RAB40B: variants seen among roughly 807,000 people sequenced by gnomAD.
RAB40B encodes the protein RAB40B, member RAS oncogene family.
RAB40B carries 21 observed loss-of-function variants against 24.0 expected under a neutral mutation model. That is an observed-to-expected ratio of 0.88 (90% CI 0.62 to 1.26). RAB40B has a LOEUF of 1.26. RAB40B is among the 50% of genes most tolerant of loss of function. RAB40B has a pLI of 0.00. For synonymous variants in RAB40B, 167 were observed against 169.8 expected, an observed-to-expected ratio of 0.98 and a Z score of 0.13; for missense variants, 348 against 390.5, an observed-to-expected ratio of 0.89 and a Z score of 0.92.
At chr17:82,669,749 A>G (rs1316411636) in intron 1 of RAB40B, among the ~76,000 whole-genome samples, 1 of 152,220 alleles carries the variant, frequency 6.6e-6, no homozygotes, top group Non-Finnish European at 1.5e-5. Flanking sequence ...GCCCTGTGAA[A>G]TTACGCTTTG....
chr17:82,655,164 G>C lies in RAB40B; in HGVS notation c.*2699C>G, dbSNP rs2046078809. On this transcript the variant is annotated 3_prime_UTR_variant, in exon 6 of 6. Transcript: ENST00000571995. ...CTGCCGTAACAATCGCCACAAACCT[G>C]GTGACTTAAATAACAAATATTTATT... 1 of 152,004 alleles carries C rather than the reference G, an allele frequency of 6.6e-6. No homozygotes were observed. The highest frequency in any genetic ancestry group is 2.1e-4 in the South Asian group (1 of 4,808). The allele number at this position is 152,004 out of a possible 1,614,324, so 9.4% of individuals were successfully genotyped here.
intron 2 of RAB40B, chr17:82,662,303 A>G: frequency 2.0e-6 from 2 of 985,480 alleles, no homozygotes; most frequent in Non-Finnish European, 2.4e-6. Flanking sequence ...GGCTTTGCAC[A>G]CAGCGGGAGC....
chr17:82,675,666 G>A lies in RAB40B; in HGVS notation c.143-11110C>T, dbSNP rs1320214351. On this transcript the variant is annotated intron_variant, in intron 1 of 5. Transcript: ENST00000571995. The surrounding 1 kb of genome is among the most constrained non-coding windows in gnomAD (Gnocchi z 4.5). The stretch of plus-strand genomic sequence containing the variant: ...GAGGGCTGCATCCTGGTTCATGGAG[G>A]TGTCTTCTCCCCATGTCCTCCCCTA... Among the ~76,000 whole-genome samples the A allele has an allele frequency of 6.6e-6, 1 of 152,142 alleles. No individual in the cohort carries two copies. The highest frequency in any genetic ancestry group is 1.5e-5 in the Non-Finnish European group (1 of 68,024).
At position 82,692,524 on chromosome 17, in the gene RAB40B, C is replaced by T. The variant is rs1182378259; in HGVS notation, c.142+5931G>A. Among the ~76,000 whole-genome samples the T allele has an allele frequency of 6.6e-6, 1 of 151,976 alleles. No homozygotes were observed. Among genetic ancestry groups the T allele is most frequent in the Non-Finnish European group, 1.5e-5 (1 of 67,970 alleles). Reference sequence around the variant, plus strand: ...GGCACACACACAAGAGACAGGCGGGCCAACGGTGCAGACCCAGACCCACAG... The same window carrying T: ...GGCACACACACAAGAGACAGGCGGGTCAACGGTGCAGACCCAGACCCACAG... On this transcript the variant is annotated intron_variant, in intron 1 of 5. Transcript: ENST00000571995. This position sits in a 1 kb window ranked among gnomAD's most constrained non-coding sequence, Gnocchi z 4.0.
At chr17:82,679,827 C>T (rs796290213) in intron 1 of RAB40B, among the ~76,000 whole-genome samples, 9 of 152,400 alleles carry the variant, frequency 5.9e-5, no homozygotes, top group African/African-American at 1.9e-4. Context: ...CCTGGAAACA[C>T]GAAGGAACAC....
chr17:82,688,178 C>T (rs530809106), intron 1 of RAB40B, among the ~76,000 whole-genome samples: 8 of 152,118 alleles, frequency 5.3e-5, no homozygotes, highest in Non-Finnish European at 7.4e-5. Flanking sequence ...GTCACCATCA[C>T]GCCCAGCTAA....
At chr17:82,696,331 G>A (rs1416846822) in intron 1 of RAB40B, 1 of 152,302 alleles carries the variant, frequency 6.6e-6, no homozygotes, top group Non-Finnish European at 1.5e-5. Flanking sequence ...CCAACCAGAA[G>A]GAAGTTTCAC....
chr17:82,661,085 T>G, intron 2 of RAB40B, 38 bp from the exon 3 acceptor site: 1 of 1,609,164 alleles, frequency 6.2e-7, no homozygotes. Flanking sequence ...AAGAAACCAG[T>G]GCTTCTTCCT....
rs530356882 is a variant in RAB40B, at chr17:82,664,489, G to A, written c.203+7C>T. ...GTGCGGGACGCTCGCACCTCCTCCA[G>A]ACTCACCAGAGCTGCAGCTTCACCC... is the stretch of plus-strand genomic sequence containing the variant. On this transcript the variant is annotated splice_region_variant and intron_variant, in intron 2 of 5. Transcript: ENST00000571995. 6.2e-7 allele frequency: 1 copy of A among 1,612,830 alleles called. No homozygotes were observed. Among genetic ancestry groups the A allele is most frequent in the Non-Finnish European group, 8.5e-7 (1 of 1,179,454 alleles).
intron 1 of RAB40B, among the ~76,000 whole-genome samples, chr17:82,679,739 G>T (rs909734628): frequency 6.0e-5 from 1 of 16,594 alleles, no homozygotes; most frequent in African/African-American, 2.4e-4. Context: ...GCAGGTCACC[G>T]AGCACAGGGC....
intron 1 of RAB40B, among the ~76,000 whole-genome samples, chr17:82,676,490 A>C (rs1286479499): frequency 3.4e-5 from 3 of 87,392 alleles, no homozygotes; most frequent in African/African-American, 1.4e-4. Context: ...TCACCCACAC[A>C]CCAATTCCGT....
intron 1 of RAB40B, among the ~76,000 whole-genome samples, chr17:82,679,543 C>G (rs2046428910): frequency 6.6e-6 from 1 of 152,166 alleles, no homozygotes; most frequent in Admixed American, 6.5e-5. Context: ...TCCCAAAGTG[C>G]TGGGATCACA....
Position 82,675,080 on chromosome 17 carries a change from GAGAAAACATCTGAC to G in RAB40B, c.143-10538_143-10525del, listed in dbSNP as rs2046382732. Among the ~76,000 whole-genome samples the G allele has an allele frequency of 6.6e-6, 1 of 152,168 alleles. No individual in the cohort carries two copies. The highest frequency in any genetic ancestry group is 6.5e-5 in the Admixed American group (1 of 15,276). On this transcript the variant is annotated intron_variant, in intron 1 of 5. Transcript: ENST00000571995. This position sits in a 1 kb window ranked among gnomAD's most constrained non-coding sequence, Gnocchi z 4.5. ...AAAGCACAATGACTGGAGAGAGAGA[GAGAAAACATCTGAC>G]ACCCCCTAAACTGGGAAAAGCTACA...
chr17:82,657,942 C>T lies in RAB40B; in HGVS notation c.758G>A (p.Ser253Asn). Reference protein sequence around the residue: ...LTTSSTHKRSSLRKVKLVRPP... With the variant: ...LTTSSTHKRSNLRKVKLVRPP... Reference sequence around the variant, plus strand: ...GCGGACGAGCTTCACTTTGCGGAGGCTGCTCCTTTTGTGGGTGGAGCTGGT... The same window carrying T: ...GCGGACGAGCTTCACTTTGCGGAGGTTGCTCCTTTTGTGGGTGGAGCTGGT... Residue 253 changes from serine to asparagine, a missense_variant, in exon 6 of 6, where the codon AGC (serine) becomes AAC (asparagine). Ser to Asn is a conservative substitution (Grantham distance 46). Transcript: ENST00000571995. 6.2e-7 allele frequency: 1 copy of T among 1,614,098 alleles called. No individual in the cohort carries two copies. The highest frequency in any genetic ancestry group is 8.5e-7 in the Non-Finnish European group (1 of 1,180,032).
At chr17:82,659,433 C>G in intron 4 of RAB40B, 147 bp downstream of exon 4, 1 of 686,632 alleles carries the variant, frequency 1.5e-6, no homozygotes, top group Non-Finnish European at 2.5e-6. Context: ...CGAGGTGAGG[C>G]ACCCTCCTTC....
chr17:82,683,805 C>CAAAA (rs35145848), intron 1 of RAB40B, among the ~76,000 whole-genome samples: 48 of 90,466 alleles, frequency 5.3e-4, no homozygotes, highest in Non-Finnish European at 6.9e-4. Context: ...ACCCTGTTTC[C>CAAAA]AAAAAAAAAA....
intron 1 of RAB40B, among the ~76,000 whole-genome samples, chr17:82,680,927 G>A (rs556774760): frequency 6.6e-6 from 1 of 150,508 alleles, no homozygotes; most frequent in Non-Finnish European, 1.5e-5. Context: ...CTACTCAGGA[G>A]GCTGAGGCAG....
At chr17:82,662,965 G>A (rs1598296227) in intron 2 of RAB40B, among the ~76,000 whole-genome samples, 1 of 152,090 alleles carries the variant, frequency 6.6e-6, no homozygotes, top group Non-Finnish European at 1.5e-5. Flanking sequence ...AGGAAGGAGT[G>A]GTCTCGGGGA....
intron 3 of RAB40B, among the ~76,000 whole-genome samples, chr17:82,660,765 GCACA>G (rs1301304507): frequency 6.6e-6 from 1 of 152,118 alleles, no homozygotes; most frequent in African/African-American, 2.4e-5. Context: ...ACGTGTACAT[GCACA>G]CACAGTCCCG....
Sources: gnomAD v4.1 joint callset for allele counts (sites outside exome capture counted in the v4.1 genomes callset) on GRCh38, gnomAD v4.1.1 for gene constraint, Gnocchi (gnomAD v3.1) non-coding constraint, MANE v1.5 for transcripts, NCBI Gene and HGNC (gene_info 2026-07-23, HGNC 2026-07-21) for gene names.